Variants in DLG2 observed in about 807,000 individuals in gnomAD.
The protein encoded by DLG2 is disks large homolog 2.
A neutral mutation model predicts 132.5 loss-of-function variants in DLG2; 45 were observed. The observed-to-expected ratio is 0.34, with a 90% confidence interval of 0.27 to 0.44. DLG2 has a LOEUF of 0.44. Among genes scored for constraint, DLG2 ranks in the 20% least tolerant of loss-of-function variants. The pLI is 1.00. For synonymous variants in DLG2, 424 were observed against 419.6 expected, an observed-to-expected ratio of 1.01 and a Z score of -0.13; for missense variants, 1,045 against 1,196.9, an observed-to-expected ratio of 0.87 and a Z score of 1.87.
intron 6 of DLG2, among the ~76,000 whole-genome samples, chr11:84,700,793 C>T (rs770836164): frequency 1.3e-5 from 2 of 151,536 alleles, no homozygotes; most frequent in Admixed American, 6.6e-5. Flanking sequence ...GGACACACAA[C>T]GTAACTTGAA....
intron 11 of DLG2, among the ~76,000 whole-genome samples, chr11:84,050,494 T>C (rs1225594026): frequency 1.3e-5 from 2 of 152,036 alleles, no homozygotes; most frequent in Non-Finnish European, 2.9e-5. Context: ...TGGTAGTTTC[T>C]TTCGCTGTGC....
intron 19 of DLG2, among the ~76,000 whole-genome samples, chr11:83,621,079 T>A (rs977965994): frequency 6.6e-6 from 1 of 152,120 alleles, no homozygotes; most frequent in Non-Finnish European, 1.5e-5. Context: ...TTTGGAGGAC[T>A]TTTTCTGATG....
At chr11:84,521,327 C>G (rs2099299433) in intron 7 of DLG2, among the ~76,000 whole-genome samples, 1 of 152,142 alleles carries the variant, frequency 6.6e-6, no homozygotes, top group Admixed American at 6.5e-5. Context: ...GTTGAGAACA[C>G]CTGTTGTTTA....
At chr11:84,392,620 G>A (rs748927773) in intron 7 of DLG2, among the ~76,000 whole-genome samples, 7 of 152,128 alleles carry the variant, frequency 4.6e-5, no homozygotes, top group African/African-American at 1.4e-4. Context: ...TGTATCAGAC[G>A]TTGTTTTTGG....
At chr11:84,702,937 G>A (rs1481880227) in intron 6 of DLG2, among the ~76,000 whole-genome samples, 2 of 151,576 alleles carry the variant, frequency 1.3e-5, no homozygotes, top group African/African-American at 4.8e-5. Flanking sequence ...TACTTATCGA[G>A]ATAAAAAAGT....
At chr11:85,267,882 G>A (rs1309344352) in intron 4 of DLG2, among the ~76,000 whole-genome samples, 2 of 66,228 alleles carry the variant, frequency 3.0e-5, no homozygotes, top group African/African-American at 9.1e-5. Context: ...GATGACTTTT[G>A]TATGTGTGTG....
intron 9 of DLG2, among the ~76,000 whole-genome samples, chr11:84,146,379 T>G (rs1015065209): frequency 1.3e-5 from 2 of 152,140 alleles, no homozygotes; most frequent in East Asian, 3.9e-4. Flanking sequence ...GATAAATGCT[T>G]GAGGGATGGA....
At chr11:84,925,670 G>A (rs1227133903) in intron 6 of DLG2, among the ~76,000 whole-genome samples, 3 of 152,130 alleles carry the variant, frequency 2.0e-5, no homozygotes, top group Non-Finnish European at 4.4e-5. Flanking sequence ...AACTGCCTAT[G>A]CATATTTTTG....
intron 19 of DLG2, among the ~76,000 whole-genome samples, chr11:83,550,085 A>G (rs1279325348): frequency 6.6e-6 from 1 of 152,210 alleles, no homozygotes; most frequent in African/African-American, 2.4e-5. Flanking sequence ...GATTGGTATT[A>G]TTTAAAGATA....
At chr11:85,326,290 C>T (rs1233048396) in intron 3 of DLG2, among the ~76,000 whole-genome samples, 9 of 143,264 alleles carry the variant, frequency 6.3e-5, no homozygotes, top group Non-Finnish European at 9.1e-5. Context: ...AGATACTCCT[C>T]GAGAAGAGCA....
chr11:84,589,199 G>C (rs908789124), intron 6 of DLG2, among the ~76,000 whole-genome samples: 17 of 152,170 alleles, frequency 1.1e-4, no homozygotes, highest in African/African-American at 3.9e-4. Flanking sequence ...GGCTGCAGGA[G>C]CTTGAGATGA....
In DLG2 at chr11:83,914,739, G is replaced by A. The variant is rs139116266; in HGVS notation, c.1496+15589C>T. On this transcript the variant is annotated intron_variant, in intron 15 of 27. Transcript: ENST00000376104. ...TACCCCACACTGTTGATGGTCATTA[G>A]ACAGTGGATTTAACAGGAGACAACA... 5.7e-3 allele frequency among the ~76,000 whole-genome samples: 874 copies of A among 152,286 alleles called. 8 individuals carry two copies. Among genetic ancestry groups the A allele is most frequent in the African/African-American group, 0.02 (827 of 41,558 alleles).
upstream of DLG2, chr11:85,627,898 C>G (rs1414473704): frequency 6.6e-6 from 1 of 152,424 alleles, no homozygotes; most frequent in Non-Finnish European, 1.5e-5. Flanking sequence ...CGGGGGTTGC[C>G]GGTCTGGGAG....
chr11:84,856,367 T>C (rs1050951083), intron 6 of DLG2, among the ~76,000 whole-genome samples: 1 of 151,978 alleles, frequency 6.6e-6, no homozygotes, highest in African/African-American at 2.4e-5. Flanking sequence ...GAGAAGGAGA[T>C]ATCATGCAGG....
intron 5 of DLG2, among the ~76,000 whole-genome samples, chr11:85,122,696 A>C (rs2152371098): frequency 6.6e-6 from 1 of 152,060 alleles, no homozygotes; most frequent in African/African-American, 2.4e-5. Flanking sequence ...CTGCATTTCC[A>C]GCAGTTTTCT....
intron 5 of DLG2, among the ~76,000 whole-genome samples, chr11:85,151,272 A>C (rs145969192): frequency 3.9e-5 from 6 of 152,244 alleles, no homozygotes; most frequent in African/African-American, 9.6e-5. Context: ...TAAAGCTTTC[A>C]CATATATATG....
At chr11:84,545,685 G>C (rs905708792) in intron 6 of DLG2, 2 of 282,838 alleles carry the variant, frequency 7.1e-6, no homozygotes, top group Admixed American at 7.1e-5. Context: ...CCACTGCCTC[G>C]GTCATTCATG....
At chr11:83,539,034 TCTGTGC>T (rs1261002624) in intron 20 of DLG2, among the ~76,000 whole-genome samples, 1 of 152,204 alleles carries the variant, frequency 6.6e-6, no homozygotes, top group African/African-American at 2.4e-5. Flanking sequence ...AATGAACCTC[TCTGTGC>T]CTCAATCTCC....
intron 18 of DLG2, among the ~76,000 whole-genome samples, chr11:83,720,047 C>T (rs1212251225): frequency 1.3e-5 from 2 of 151,904 alleles, no homozygotes; most frequent in Admixed American, 1.3e-4. Context: ...AATCCCAGCA[C>T]TTTGGGAGGC....
Sources: gnomAD v4.1 joint callset for allele counts (sites outside exome capture counted in the v4.1 genomes callset) on GRCh38, gnomAD v4.1.1 for gene constraint, MANE v1.5 for transcripts, NCBI Gene and HGNC (gene_info 2026-07-23, HGNC 2026-07-21) for gene names.